The following ARHGAP21 variants were observed in gnomAD, a reference collection of about 807,000 sequenced individuals.
The protein encoded by ARHGAP21 is rho GTPase-activating protein 21.
ARHGAP21 carries 38 observed loss-of-function variants against 164.6 expected under a neutral mutation model. The observed-to-expected ratio is 0.23, with a 90% CI of 0.18 to 0.30. ARHGAP21 has a LOEUF of 0.30. ARHGAP21 is among the 10% of genes least tolerant of loss of function. ARHGAP21 has a pLI of 1.00. For missense variants in ARHGAP21, 1,822 were observed against 2,370.7 expected (o/e 0.77, Z 4.81); for synonymous variants, 766 against 857.9 (o/e 0.89, Z 1.87).
chr10:24,709,695 T>C (rs1431436510), intron 2 of ARHGAP21, among the ~76,000 whole-genome samples: 1 of 151,332 alleles, frequency 6.6e-6, no homozygotes, highest in Non-Finnish European at 1.5e-5. Context: ...GCCATGTTCA[T>C]GTCACTGCAC....
intron 11 of ARHGAP21, among the ~76,000 whole-genome samples, chr10:24,605,943 A>T (rs773249206): frequency 1.5e-4 from 23 of 152,178 alleles, no homozygotes; most frequent in Non-Finnish European, 2.6e-4. Flanking sequence ...GAGCCCCACA[A>T]TAAAATTAAA....
intron 2 of ARHGAP21, among the ~76,000 whole-genome samples, chr10:24,713,989 GA>G (rs1476747983): frequency 1.3e-5 from 2 of 152,106 alleles, no homozygotes; most frequent in African/African-American, 4.8e-5. Context: ...TCAAACCAGG[GA>G]AGATATGGAA....
chr10:24,721,732 C>T (rs1017615914), intron 2 of ARHGAP21, 105 bp downstream of exon 2: 14 of 1,339,638 alleles, frequency 1.0e-5, no homozygotes, highest in Middle Eastern at 3.6e-4. Flanking sequence ...CTCAAAGCCC[C>T]GGGAAGCCCC....
intron 9 of ARHGAP21, among the ~76,000 whole-genome samples, chr10:24,610,187 G>A (rs2077194490): frequency 6.6e-6 from 1 of 152,106 alleles, no homozygotes; most frequent in Admixed American, 6.6e-5. Context: ...GACCAGCCTG[G>A]CCAACATGGC....
chr10:24,705,983 TAGC>T (rs1260246817), intron 2 of ARHGAP21, among the ~76,000 whole-genome samples: 3 of 152,230 alleles, frequency 2.0e-5, no homozygotes, highest in Non-Finnish European at 4.4e-5. Flanking sequence ...ATAGCTAACC[TAGC>T]AGATTTTCTC....
chr10:24,585,234 T>C lies in ARHGAP21; in HGVS notation c.5055A>G (p.Leu1685=). The change falls in exon 26 of 26, where the codon TTA becomes TTG. Residue 1685 remains leucine, a synonymous_variant. Transcript: ENST00000396432. Reference sequence around the variant, plus strand: ...AACTGAAGAGCTGTCTCCGGCTATCTAAACTTGATGTTAAACTTCCCTCGG... The same window carrying C: ...AACTGAAGAGCTGTCTCCGGCTATCCAAACTTGATGTTAAACTTCCCTCGG... ...SCTEGSLTSS[L]DSRRQLFSSH... is the part of the protein sequence containing the mutation. 2 of 1,605,850 alleles carry C rather than the reference T, an allele frequency of 1.2e-6. No individual in the cohort carries two copies. Among genetic ancestry groups the C allele is most frequent in the Non-Finnish European group, 1.7e-6 (2 of 1,178,066 alleles).
chr10:24,633,943 G>A (rs7901280), intron 5 of ARHGAP21, among the ~76,000 whole-genome samples: 4,173 of 133,752 alleles, frequency 0.031, 185 homozygotes, highest in African/African-American at 0.1. Context: ...TCCCAGGCTG[G>A]AGTACAGTGG....
chr10:24,591,143 T>C, intron 24 of ARHGAP21, 82 bp downstream of exon 24: 1 of 1,203,302 alleles, frequency 8.3e-7, no homozygotes, highest in South Asian at 1.4e-5. Flanking sequence ...TAAGTAACAA[T>C]TCACTATGAT....
intron 1 of ARHGAP21, chr10:24,723,257 G>A (rs908377010): frequency 2.0e-5 from 3 of 151,098 alleles, no homozygotes; most frequent in African/African-American, 7.3e-5. Context: ...TAGGCCGCAG[G>A]CTCGGTTAAT....
intron 4 of ARHGAP21, among the ~76,000 whole-genome samples, chr10:24,659,987 C>T (rs986514738): frequency 1.3e-5 from 2 of 152,154 alleles, no homozygotes; most frequent in Admixed American, 1.3e-4. Context: ...TTAATCCATG[C>T]AAAGTCTTAG....
chr10:24,702,707 C>T (rs895103954), intron 2 of ARHGAP21, among the ~76,000 whole-genome samples: 5 of 152,170 alleles, frequency 3.3e-5, no homozygotes, highest in African/African-American at 9.6e-5. Context: ...CCACCTCAGC[C>T]TCCCAAATAT....
rs192987942 is a variant in ARHGAP21, at chr10:24,653,132, T to C, written c.268+13853A>G. On this transcript the variant is annotated intron_variant, in intron 4 of 25. Coordinates refer to ENST00000396432, the MANE Select transcript of ARHGAP21 (RefSeq NM_020824.4). ...TTTTAAGTGCAGGGTTCAATAAGTTTAGACAACTGCATACACCCATGTAAC... is the reference window on the plus strand; with the variant it reads ...TTTTAAGTGCAGGGTTCAATAAGTTCAGACAACTGCATACACCCATGTAAC... Among the ~76,000 whole-genome samples, 539 of 152,356 alleles carry C rather than the reference T, an allele frequency of 3.5e-3. 1 individual carries two copies. Among genetic ancestry groups the C allele is most frequent in the Non-Finnish European group, 6.3e-3 (432 of 68,038 alleles).
At chr10:24,693,141 T>C (rs1306991098) in intron 2 of ARHGAP21, among the ~76,000 whole-genome samples, 1 of 152,248 alleles carries the variant, frequency 6.6e-6, no homozygotes, top group Non-Finnish European at 1.5e-5. Flanking sequence ...TCATGTTCTA[T>C]GTCTGGGTGG....
chr10:24,674,918 C>T (rs1031871076), intron 2 of ARHGAP21, among the ~76,000 whole-genome samples: 11 of 152,048 alleles, frequency 7.2e-5, no homozygotes, highest in Non-Finnish European at 1.5e-4. Flanking sequence ...AATAGATGTG[C>T]TATATAAAAA....
chr10:24,596,786 G>A lies in ARHGAP21; in HGVS notation c.3431C>T (p.Thr1144Ile). The A allele has an allele frequency of 6.2e-7, 1 of 1,612,840 alleles. No individual in the cohort carries two copies. Among genetic ancestry groups the A allele is most frequent in the Non-Finnish European group, 8.5e-7 (1 of 1,179,672 alleles). ...GCAGTCATCTAGTCGGACGCCGAAAGTTCCTGTAGCAGTTGGCTTTTTCTC... is the reference window on the plus strand; with the variant it reads ...GCAGTCATCTAGTCGGACGCCGAAAATTCCTGTAGCAGTTGGCTTTTTCTC... ...TFEKKPTATG[T>I]FGVRLDDCPP... Residue 1144 changes from threonine (T) to isoleucine (I), a missense_variant, in exon 17 of 26, where the codon ACT becomes ATT. Coordinates refer to ENST00000396432, the MANE Select transcript of ARHGAP21 (RefSeq NM_020824.4).
At chr10:24,589,586 T>A in intron 24 of ARHGAP21, 1 of 343,900 alleles carries the variant, frequency 2.9e-6, no homozygotes, top group South Asian at 4.5e-5. Context: ...TTTATTAGAC[T>A]TTCTAAATAT....
At chr10:24,594,685 G>T (rs755377615) in intron 21 of ARHGAP21, among the ~76,000 whole-genome samples, 6 of 152,036 alleles carry the variant, frequency 3.9e-5, no homozygotes, top group African/African-American at 7.2e-5. Context: ...TTGATATACA[G>T]CTAAAAAATG....
At chr10:24,691,246 G>T (rs1055484477) in intron 2 of ARHGAP21, among the ~76,000 whole-genome samples, 2 of 152,168 alleles carry the variant, frequency 1.3e-5, no homozygotes, top group African/African-American at 4.8e-5. Flanking sequence ...GGAAACATCA[G>T]AGTTGGTCCA....
intron 7 of ARHGAP21, among the ~76,000 whole-genome samples, chr10:24,624,337 C>CTTTTTTTTTTTTTTTT (rs565872094): frequency 2.9e-5 from 3 of 102,892 alleles, no homozygotes; most frequent in Non-Finnish European, 5.5e-5. Context: ...TGTTCTAGAA[C>CTTTTTTTTTTTTTTTT]TTTTTTTTTT....
Sources: allele counts gnomAD v4.1 joint callset (sites outside exome capture counted in the v4.1 genomes callset), GRCh38; gene constraint gnomAD v4.1.1; transcripts MANE v1.5; gene names NCBI Gene and HGNC (gene_info 2026-07-23, HGNC 2026-07-21).